The following ADCY8 variants were observed in gnomAD, a reference collection of about 807,000 sequenced individuals.
ADCY8 encodes the protein adenylate cyclase 8.
In ADCY8, 51 loss-of-function variants were observed where a neutral mutation model predicts 119.7. That is an observed-to-expected ratio of 0.43 (90% confidence interval 0.34 to 0.54). The LOEUF is 0.54. Among genes scored for constraint, ADCY8 ranks in the 20% least tolerant of loss-of-function variants. The pLI, the probability that ADCY8 is intolerant of heterozygous loss-of-function variation, is 0.03. For synonymous variants in ADCY8, 665 were observed against 651.0 expected (o/e 1.02, Z -0.33); for missense variants, 1,383 against 1,598.8 (o/e 0.87, Z 2.30).
intron 2 of ADCY8, among the ~76,000 whole-genome samples, chr8:130,987,945 T>G (rs1346877902): frequency 6.6e-6 from 1 of 152,146 alleles, no homozygotes; most frequent in Non-Finnish European, 1.5e-5. Context: ...TTCATATAAA[T>G]CATTACACAC....
chr8:130,797,123 C>T (rs950532387), intron 15 of ADCY8, among the ~76,000 whole-genome samples: 2 of 152,224 alleles, frequency 1.3e-5, no homozygotes, highest in Non-Finnish European at 1.5e-5. Flanking sequence ...TGCTATAAAG[C>T]AAACTTGTCC....
At position 130,909,487 on chromosome 8, in the gene ADCY8, C is replaced by A. The variant is rs567989774; in HGVS notation, c.1640+221G>T. ...GTCTAAGGACCAATGCTGTGCAGGG[C>A]AGAGACCCGAACACCTCAGTGTTAT... On this transcript the variant is annotated intron_variant, in intron 6 of 17. Coordinates refer to ENST00000286355, the MANE Select transcript of ADCY8 (RefSeq NM_001115.3). Among the ~76,000 whole-genome samples, 36 of 152,304 alleles carry A rather than the reference C, an allele frequency of 2.4e-4. No individual in the cohort carries two copies. In the South Asian group the frequency reaches 3.7e-3, roughly 16 times the overall value.
intron 10 of ADCY8, among the ~76,000 whole-genome samples, chr8:130,849,157 A>C (rs1157897555): frequency 6.6e-6 from 1 of 152,102 alleles, no homozygotes; most frequent in Non-Finnish European, 1.5e-5. Context: ...AAGTTATTTC[A>C]TGTCTCTGAG....
intron 9 of ADCY8, 87 bp from the exon 10 acceptor site, chr8:130,849,890 C>T (rs1817461491): frequency 9.5e-7 from 1 of 1,048,632 alleles, no homozygotes. Context: ...TTTCCCATCC[C>T]TTGCATCGGA....
chr8:130,994,250 C>A (rs753007102), intron 1 of ADCY8, among the ~76,000 whole-genome samples: 1 of 152,218 alleles, frequency 6.6e-6, no homozygotes, highest in Admixed American at 6.5e-5. Context: ...GCCCTGTGGG[C>A]TTTACATCTT....
chr8:130,901,220 AT>A (rs888966648), intron 7 of ADCY8, among the ~76,000 whole-genome samples: 52 of 124,498 alleles, frequency 4.2e-4, no homozygotes, highest in African/African-American at 1.0e-3. Flanking sequence ...CTCTAAAGTG[AT>A]TTTTTTTCCC....
At chr8:130,913,033 T>C (rs1409574290) in intron 5 of ADCY8, among the ~76,000 whole-genome samples, 1 of 152,164 alleles carries the variant, frequency 6.6e-6, no homozygotes, top group Non-Finnish European at 1.5e-5. Context: ...AGTAGGATTG[T>C]CCTCCCTGCA....
At chr8:130,992,700 C>T (rs1368068132) in intron 1 of ADCY8, among the ~76,000 whole-genome samples, 1 of 151,840 alleles carries the variant, frequency 6.6e-6, no homozygotes. Flanking sequence ...CATGTGTGAG[C>T]CACCACGGAC....
chr8:130,919,511 A>C (rs1201316665), intron 5 of ADCY8, among the ~76,000 whole-genome samples: 1 of 152,128 alleles, frequency 6.6e-6, no homozygotes, highest in Non-Finnish European at 1.5e-5. Context: ...TGGGTGGGTA[A>C]ATGTTTAACA....
At chr8:131,004,445 C>T (rs948928442) in intron 1 of ADCY8, among the ~76,000 whole-genome samples, 6 of 152,184 alleles carry the variant, frequency 3.9e-5, no homozygotes, top group Non-Finnish European at 8.8e-5. Flanking sequence ...CTATTTAATT[C>T]ATGGAGGTCA....
chr8:130,828,393 C>A (rs545601481), intron 12 of ADCY8, among the ~76,000 whole-genome samples: 188 of 152,088 alleles, frequency 1.2e-3, no homozygotes, highest in African/African-American at 4.2e-3. Context: ...ATGGCACTTC[C>A]AAGTCACTCT....
intron 12 of ADCY8, among the ~76,000 whole-genome samples, chr8:130,826,780 G>A (rs147844070): frequency 6.6e-6 from 1 of 152,100 alleles, no homozygotes; most frequent in Non-Finnish European, 1.5e-5. Context: ...GGGTGGGATG[G>A]GGTGGGAGGC....
chr8:130,986,535 A>G (rs1028022204), intron 2 of ADCY8, among the ~76,000 whole-genome samples: 7 of 152,192 alleles, frequency 4.6e-5, no homozygotes, highest in African/African-American at 1.7e-4. Context: ...AGACTTAACT[A>G]TCATGACATG....
intron 11 of ADCY8, among the ~76,000 whole-genome samples, chr8:130,840,778 G>GT (rs1817115525): frequency 6.6e-6 from 1 of 152,094 alleles, no homozygotes; most frequent in Admixed American, 6.5e-5. Context: ...GGGGTTCTCT[G>GT]TTTTTTCCCA....
At chr8:131,000,122 T>C (rs978683471) in intron 1 of ADCY8, among the ~76,000 whole-genome samples, 3 of 152,218 alleles carry the variant, frequency 2.0e-5, no homozygotes, top group Non-Finnish European at 2.9e-5. Flanking sequence ...TTCACATATG[T>C]GGGAGCTTGG....
At chr8:131,019,673 TTAGA>T (rs1198387791) in intron 1 of ADCY8, among the ~76,000 whole-genome samples, 1 of 152,136 alleles carries the variant, frequency 6.6e-6, no homozygotes, top group Non-Finnish European at 1.5e-5. Context: ...ACATTTACTC[TTAGA>T]TAAATACTTA....
At chr8:131,029,236 G>A (rs1823918845) in intron 1 of ADCY8, among the ~76,000 whole-genome samples, 1 of 152,160 alleles carries the variant, frequency 6.6e-6, no homozygotes, top group Admixed American at 6.5e-5. Context: ...ATCCCCAGAT[G>A]GGACCATCTA....
intron 9 of ADCY8, among the ~76,000 whole-genome samples, chr8:130,850,338 C>G (rs1424573028): frequency 6.6e-6 from 1 of 152,174 alleles, no homozygotes; most frequent in Non-Finnish European, 1.5e-5. Flanking sequence ...ATCAGCATCA[C>G]TCTCGAGTTT....
intron 1 of ADCY8, among the ~76,000 whole-genome samples, chr8:131,007,257 G>T (rs373498251): frequency 4.6e-4 from 70 of 152,266 alleles, no homozygotes; most frequent in African/African-American, 1.5e-3. Flanking sequence ...CATGGTTTTT[G>T]TTAGGCAAAA....
Sources: allele counts gnomAD v4.1 joint callset (sites outside exome capture counted in the v4.1 genomes callset), GRCh38; gene constraint gnomAD v4.1.1; transcripts MANE v1.5; gene names NCBI Gene and HGNC (gene_info 2026-07-23, HGNC 2026-07-21).